The following SEMA3A variants were observed in gnomAD, a reference collection of about 807,000 sequenced individuals.
SEMA3A encodes the protein semaphorin 3A.
A neutral mutation model predicts 97.9 loss-of-function variants in SEMA3A; 29 were observed. The ratio of observed to expected loss-of-function variants is 0.30; its 90% CI spans 0.22 to 0.40. The LOEUF is 0.40. Among genes scored for constraint, SEMA3A ranks in the 10% least tolerant of loss-of-function variants. SEMA3A has a pLI of 1.00. For missense variants in SEMA3A, 763 were observed against 951.3 expected, an observed-to-expected ratio of 0.80 and a Z score of 2.60; for synonymous variants, 321 against 323.7, an observed-to-expected ratio of 0.99 and a Z score of 0.09.
intron 2 of SEMA3A, among the ~76,000 whole-genome samples, chr7:84,337,043 AG>A (rs984921967): frequency 6.6e-6 from 1 of 152,102 alleles, no homozygotes; most frequent in Non-Finnish European, 1.5e-5. Flanking sequence ...TTTGAATCCT[AG>A]CTTACCAGAT....
At chr7:84,220,679 T>C (rs562026915) in intron 3 of SEMA3A, among the ~76,000 whole-genome samples, 1 of 152,138 alleles carries the variant, frequency 6.6e-6, no homozygotes, top group Non-Finnish European at 1.5e-5. Context: ...TGAAGTGCAT[T>C]GTCAGTGAGC....
chr7:84,004,496 G>A (rs1790586186), intron 11 of SEMA3A, among the ~76,000 whole-genome samples: 1 of 151,852 alleles, frequency 6.6e-6, no homozygotes, highest in Non-Finnish European at 1.5e-5. Flanking sequence ...TTTACTAGAT[G>A]ATGTTCACCT....
At chr7:84,347,750 G>A (rs931444857) in intron 2 of SEMA3A, among the ~76,000 whole-genome samples, 1 of 152,002 alleles carries the variant, frequency 6.6e-6, no homozygotes, top group South Asian at 2.1e-4. Context: ...AGCCACAACA[G>A]AATATATTCT....
intron 1 of SEMA3A, among the ~76,000 whole-genome samples, chr7:84,192,064 A>G (rs1057039537): frequency 6.6e-6 from 1 of 151,968 alleles, no homozygotes; most frequent in African/African-American, 2.4e-5. Context: ...GAGCAATGAG[A>G]GAGTTAATGG....
At chr7:84,175,478 T>G (rs1485155075) in intron 1 of SEMA3A, among the ~76,000 whole-genome samples, 1 of 152,212 alleles carries the variant, frequency 6.6e-6, no homozygotes, top group Non-Finnish European at 1.5e-5. Flanking sequence ...TGTTACGTAG[T>G]CCCATGGGGC....
At chr7:84,348,533 G>C (rs545229147) in intron 2 of SEMA3A, among the ~76,000 whole-genome samples, 1 of 152,080 alleles carries the variant, frequency 6.6e-6, no homozygotes, top group Non-Finnish European at 1.5e-5. Context: ...TACAGTGTTG[G>C]GTAAAAGCCA....
At chr7:84,473,141 G>GGTGTGTGT (rs61623414) in intron 1 of SEMA3A, among the ~76,000 whole-genome samples, 3,128 of 141,464 alleles carry the variant, frequency 0.022, 105 homozygotes, top group East Asian at 0.15. Context: ...AAAAAGAAAT[G>GGTGTGTGT]GTGTGTGTGT....
chr7:84,092,615 G>T (rs1794635897), intron 4 of SEMA3A, among the ~76,000 whole-genome samples: 1 of 151,992 alleles, frequency 6.6e-6, no homozygotes, highest in Admixed American at 6.6e-5. Flanking sequence ...TGCAGACAAA[G>T]AATTTCTATT....
intron 12 of SEMA3A, among the ~76,000 whole-genome samples, chr7:83,989,951 C>G (rs1789827410): frequency 6.6e-6 from 1 of 151,816 alleles, no homozygotes; most frequent in African/African-American, 2.4e-5. Flanking sequence ...AAAAGTATTC[C>G]TATTTCTCCA....
At chr7:84,463,237 C>CTTT (rs59465422) in intron 1 of SEMA3A, among the ~76,000 whole-genome samples, 1,017 of 71,324 alleles carry the variant, frequency 0.014, 198 homozygotes, top group Non-Finnish European at 0.023. Flanking sequence ...TGTAACTATT[C>CTTT]TTTTTTTTTT....
chr7:84,473,403 A>G (rs1806204676), intron 1 of SEMA3A, among the ~76,000 whole-genome samples: 1 of 149,040 alleles, frequency 6.7e-6, no homozygotes, highest in African/African-American at 2.4e-5. Context: ...TATTATTATT[A>G]TTATTATTTG....
intron 1 of SEMA3A, among the ~76,000 whole-genome samples, chr7:84,189,748 A>C (rs550172719): frequency 6.6e-5 from 10 of 151,806 alleles, no homozygotes; most frequent in African/African-American, 2.4e-4. Context: ...CAATCATATT[A>C]ATTAACTCTA....
At chr7:84,156,903 G>A (rs1242907879) in intron 1 of SEMA3A, among the ~76,000 whole-genome samples, 1 of 152,052 alleles carries the variant, frequency 6.6e-6, no homozygotes, top group African/African-American at 2.4e-5. Flanking sequence ...ATTCTTACTT[G>A]TGACTAACCA....
At chr7:84,281,444 T>A (rs1238868946) in intron 3 of SEMA3A, among the ~76,000 whole-genome samples, 3 of 152,108 alleles carry the variant, frequency 2.0e-5, no homozygotes, top group Non-Finnish European at 4.4e-5. Context: ...ACATGTGGAG[T>A]TAGTGTGTTG....
chr7:84,152,897 C>T (rs1796722823), intron 1 of SEMA3A, among the ~76,000 whole-genome samples: 1 of 151,940 alleles, frequency 6.6e-6, no homozygotes, highest in African/African-American at 2.4e-5. Flanking sequence ...GTTGTAAAAA[C>T]TAGCAGAATT....
intron 1 of SEMA3A, among the ~76,000 whole-genome samples, chr7:84,400,613 A>C (rs1803875669): frequency 1.3e-5 from 2 of 152,160 alleles, no homozygotes; most frequent in Admixed American, 1.3e-4. Context: ...GAAAGAGTGA[A>C]GAATGTTTCC....
intron 1 of SEMA3A, among the ~76,000 whole-genome samples, chr7:84,191,977 C>T (rs1314099644): frequency 6.6e-6 from 1 of 151,892 alleles, no homozygotes; most frequent in African/African-American, 2.4e-5. Flanking sequence ...TGTCAAGTCT[C>T]TTTCATCTCC....
chr7:84,124,467 T>C (rs1302692102), intron 3 of SEMA3A, among the ~76,000 whole-genome samples: 1 of 152,190 alleles, frequency 6.6e-6, no homozygotes, highest in Non-Finnish European at 1.5e-5. Flanking sequence ...TCCATTCTTG[T>C]GGTTTTCAGT....
chr7:84,001,826 C>CTAAT lies in SEMA3A; in HGVS notation c.1452+125_1452+128dup, dbSNP rs1209164051. 1.5e-5 allele frequency: 7 copies of CTAAT among 469,976 alleles called. No individual in the cohort carries two copies. In the East Asian group the frequency reaches 1.6e-4, roughly 11 times the overall value. The allele number at this position is 469,976 out of a possible 1,614,324, so 29.1% of individuals were successfully genotyped here. On this transcript the variant is annotated intron_variant, in intron 12 of 16. Coordinates refer to ENST00000265362, the MANE Select transcript of SEMA3A (RefSeq NM_006080.3). ...TTTATTTTGACTAGTGTCTGGCTTT[C>CTAAT]TAATTGACAAGCTAATTAGAAGGGT...
Sources: gnomAD v4.1 joint callset for allele counts (sites outside exome capture counted in the v4.1 genomes callset) on GRCh38, gnomAD v4.1.1 for gene constraint, MANE v1.5 for transcripts, NCBI Gene and HGNC (gene_info 2026-07-23, HGNC 2026-07-21) for gene names.